Variants in HK1 observed in about 807,000 individuals in gnomAD.
HK1 encodes hexokinase 1.
HK1 carries 28 observed loss-of-function variants against 91.6 expected under a neutral mutation model. That is an observed-to-expected ratio of 0.31 (90% confidence interval 0.23 to 0.42). HK1 has a LOEUF of 0.42. Among genes scored for constraint, HK1 ranks in the 10% least tolerant of loss-of-function variants. The pLI, the probability that HK1 is intolerant of heterozygous loss-of-function variation, is 1.00. For missense variants in HK1, 770 were observed against 1,219.8 expected, an observed-to-expected ratio of 0.63 and a Z score of 5.49; for synonymous variants, 430 against 468.1, an observed-to-expected ratio of 0.92 and a Z score of 1.05.
At chr10:69,299,633 A>C (rs771308385) in intron 4 of HK1, among the ~76,000 whole-genome samples, 1 of 139,476 alleles carries the variant, frequency 7.2e-6, no homozygotes, top group Non-Finnish European at 1.5e-5. Context: ...CAAAGTGCTG[A>C]GATTACAGGC....
At chr10:69,289,222 C>T (rs1845167712) in intron 3 of HK1, among the ~76,000 whole-genome samples, 1 of 152,130 alleles carries the variant, frequency 6.6e-6, no homozygotes, top group South Asian at 2.1e-4. Context: ...AAGGCAGGAG[C>T]CCCCTCAGAC....
chr10:69,320,470 T>C (rs933396720), intron 1 of HK1, among the ~76,000 whole-genome samples: 7 of 152,150 alleles, frequency 4.6e-5, no homozygotes, highest in African/African-American at 1.7e-4. Flanking sequence ...ACCCTGGAGC[T>C]TCCCTCTGGC....
At chr10:69,353,877 A>G (rs1589529252) in intron 2 of HK1, among the ~76,000 whole-genome samples, 1 of 152,190 alleles carries the variant, frequency 6.6e-6, no homozygotes, top group East Asian at 1.9e-4. Flanking sequence ...GTAGCAAACT[A>G]ATGCAACCCA....
chr10:69,337,774 C>G (rs552439963), intron 1 of HK1, among the ~76,000 whole-genome samples: 1 of 152,296 alleles, frequency 6.6e-6, no homozygotes, highest in Non-Finnish European at 1.5e-5. Flanking sequence ...GCAGCATTCT[C>G]GATCCTCACG....
At chr10:69,351,179 TTAAATAAATAAA>T (rs113053941) in intron 2 of HK1, among the ~76,000 whole-genome samples, 11 of 114,938 alleles carry the variant, frequency 9.6e-5, no homozygotes, top group South Asian at 6.9e-4. Context: ...CGTCTCAAAA[TTAAATAAATAAA>T]TAAATAAATA....
intron 1 of HK1, among the ~76,000 whole-genome samples, chr10:69,279,959 G>A (rs1844655330): frequency 6.6e-6 from 1 of 152,126 alleles, no homozygotes; most frequent in Non-Finnish European, 1.5e-5. Flanking sequence ...TGGTTGATCA[G>A]CGATTGTGTC....
intron 2 of HK1, among the ~76,000 whole-genome samples, chr10:69,352,310 C>T (rs761294516): frequency 1.8e-4 from 27 of 152,048 alleles, no homozygotes; most frequent in Non-Finnish European, 3.5e-4. Context: ...ATTTTTTAAC[C>T]TAGTGGTGGT....
chr10:69,353,078 TG>T (rs1399923290), intron 2 of HK1, among the ~76,000 whole-genome samples: 1 of 152,076 alleles, frequency 6.6e-6, no homozygotes, highest in Non-Finnish European at 1.5e-5. Flanking sequence ...TGGAATTTCT[TG>T]GGTGATAGGA....
intron 1 of HK1, among the ~76,000 whole-genome samples, chr10:69,332,985 G>A (rs1404533662): frequency 6.6e-6 from 1 of 152,146 alleles, no homozygotes; most frequent in Non-Finnish European, 1.5e-5. Context: ...GCATGTCTGT[G>A]TGCCCTGGCC....
At chr10:69,283,461 A>C (rs1480109929) in intron 2 of HK1, among the ~76,000 whole-genome samples, 1 of 150,194 alleles carries the variant, frequency 6.7e-6, no homozygotes, top group Non-Finnish European at 1.5e-5. Flanking sequence ...TCTCAATAAT[A>C]ATAATAATAA....
intron 5 of HK1, among the ~76,000 whole-genome samples, chr10:69,303,459 G>C (rs752394959): frequency 1.3e-5 from 2 of 151,818 alleles, no homozygotes; most frequent in Non-Finnish European, 2.9e-5. Context: ...GGAGACCAGA[G>C]TTTTATCATT....
intron 3 of HK1, among the ~76,000 whole-genome samples, chr10:69,289,430 A>G (rs1430925175): frequency 6.6e-6 from 1 of 150,510 alleles, no homozygotes; most frequent in Non-Finnish European, 1.5e-5. Flanking sequence ...ATTGCCATGT[A>G]AAAATGGGCT....
At chr10:69,322,287 G>A (rs1028488375) in intron 1 of HK1, among the ~76,000 whole-genome samples, 1 of 152,062 alleles carries the variant, frequency 6.6e-6, no homozygotes, top group African/African-American at 2.4e-5. Context: ...TCATGAAAAG[G>A]GTGTCATTTC....
At position 69,276,118 on chromosome 10, in the gene HK1, A is replaced by AAATATATATATATATATATATAT; in HGVS notation, c.-391+6011_-391+6012insATATATATATATATATATATATA. Among the ~76,000 whole-genome samples, 7 of 38,258 alleles carry AAATATATATATATATATATATAT rather than the reference A, an allele frequency of 1.8e-4. 1 individual carries two copies. Among genetic ancestry groups the AAATATATATATATATATATATAT allele is most frequent in the Non-Finnish European group, 2.5e-4 (5 of 19,636 alleles). 25.1% of individuals were successfully genotyped at this position (38,258 alleles called of 152,430 possible). ...AAAAAAAAAAAAAAAAAAAAAAAAA[A>AAATATATATATATATATATATAT]ATACATATATATATATATATACACA... On this transcript the variant is annotated intron_variant, in intron 1 of 21. Coordinates refer to the HK1 transcript ENST00000360289.
intron 1 of HK1, among the ~76,000 whole-genome samples, chr10:69,335,755 C>G (rs923747153): frequency 2.0e-5 from 3 of 152,192 alleles, no homozygotes; most frequent in African/African-American, 7.2e-5. Flanking sequence ...TAGGAACGCA[C>G]CCACTTGACA....
In HK1 at chr10:69,385,207, A is replaced by T. The variant is rs1839575956; in HGVS notation, c.1839+292A>T. Among the ~76,000 whole-genome samples the T allele has an allele frequency of 7.2e-5, 11 of 152,318 alleles. No homozygotes were observed. The South Asian group carries it at 2.3e-3, about 32-fold the overall frequency. The stretch of plus-strand genomic sequence containing the variant: ...TGTTCATTTGATTGTTGCCTTGCTT[A>T]TAACACTTCTTACACAGTTAGTTCT... On this transcript the variant is annotated intron_variant, in intron 12 of 17. Coordinates refer to ENST00000359426, the MANE Select transcript of HK1 (RefSeq NM_000188.3).
At chr10:69,400,471 G>A (rs1840336137) in intron 17 of HK1, among the ~76,000 whole-genome samples, 1 of 152,192 alleles carries the variant, frequency 6.6e-6, no homozygotes, top group Non-Finnish European at 1.5e-5. Context: ...TCTCAGGGTT[G>A]CAGCTGGAGA....
At chr10:69,396,135 G>A (rs1564571472) in intron 16 of HK1, among the ~76,000 whole-genome samples, 1 of 151,942 alleles carries the variant, frequency 6.6e-6, no homozygotes, top group African/African-American at 2.4e-5. Flanking sequence ...AGCCGGGCGT[G>A]GTGGCACATT....
chr10:69,280,179 T>A (rs1844666101), intron 1 of HK1, among the ~76,000 whole-genome samples: 1 of 152,124 alleles, frequency 6.6e-6, no homozygotes, highest in Non-Finnish European at 1.5e-5. Flanking sequence ...TGGAGAGATC[T>A]CGGCTCACTG....
Sources: allele counts gnomAD v4.1 joint callset (sites outside exome capture counted in the v4.1 genomes callset), GRCh38; gene constraint gnomAD v4.1.1; transcripts MANE v1.5; gene names NCBI Gene and HGNC (gene_info 2026-07-23, HGNC 2026-07-21).